The following CLVS1 variants were observed in gnomAD, a reference collection of about 807,000 sequenced individuals.
The protein encoded by CLVS1 is clavesin-1.
Under a neutral mutation model 33.1 loss-of-function variants are expected in CLVS1, and 10 were observed. That is an observed-to-expected ratio of 0.30 (90% CI 0.19 to 0.51). CLVS1 has a LOEUF of 0.51. Among genes scored for constraint, CLVS1 ranks in the 20% least tolerant of loss-of-function variants. The pLI is 0.97. For missense variants in CLVS1, 343 were observed against 433.4 expected, an observed-to-expected ratio of 0.79 and a Z score of 1.85; for synonymous variants, 163 against 166.1, an observed-to-expected ratio of 0.98 and a Z score of 0.14.
At chr8:61,202,736 AG>A (rs1807760630) in intron 2 of CLVS1, 1 of 1,574,924 alleles carries the variant, frequency 6.3e-7, no homozygotes, top group African/African-American at 1.3e-5. Flanking sequence ...GAAGATGAAG[AG>A]GAGGAGGATG....
At chr8:61,476,905 G>T (rs1343644696) in intron 5 of CLVS1, among the ~76,000 whole-genome samples, 1 of 152,148 alleles carries the variant, frequency 6.6e-6, no homozygotes, top group Non-Finnish European at 1.5e-5. Context: ...TCCAGTTTTT[G>T]TCCATTGAGT....
upstream of CLVS1, chr8:61,287,904 C>T (rs181326827): frequency 2.9e-6 from 1 of 350,412 alleles, no homozygotes; most frequent in Non-Finnish European, 5.6e-6. Flanking sequence ...GGTTGTGGTA[C>T]GGAGGCATTT....
chr8:61,193,383 G>T (rs923560955), intron 2 of CLVS1, among the ~76,000 whole-genome samples: 58 of 152,026 alleles, frequency 3.8e-4, no homozygotes, highest in African/African-American at 1.4e-3. Context: ...GGCGGGGAGA[G>T]GGGGAGGGAT....
At chr8:61,277,195 T>G (rs1348804208) in intron 2 of CLVS1, among the ~76,000 whole-genome samples, 2 of 152,158 alleles carry the variant, frequency 1.3e-5, no homozygotes, top group Admixed American at 6.5e-5. Context: ...GAATGAAGCT[T>G]TTGCCCTCAC....
At chr8:61,196,231 A>G (rs1807604292) in intron 2 of CLVS1, among the ~76,000 whole-genome samples, 1 of 152,198 alleles carries the variant, frequency 6.6e-6, no homozygotes, top group Non-Finnish European at 1.5e-5. Flanking sequence ...TTTCTCTTCT[A>G]TTAAAGAGAT....
At chr8:61,190,990 T>C (rs1176907107) in intron 2 of CLVS1, among the ~76,000 whole-genome samples, 4 of 151,954 alleles carry the variant, frequency 2.6e-5, no homozygotes, top group African/African-American at 9.7e-5. Context: ...TTCCAATCAA[T>C]AGAAAAAGAG....
chr8:61,007,133 CTT>C, the CLVS1 span, among the ~76,000 whole-genome samples: 64 of 152,298 alleles, frequency 4.2e-4, no homozygotes, highest in African/African-American at 1.4e-3. Context: ...TAAAAGGAAA[CTT>C]TTGTTTTGAC....
chr8:61,268,977 C>T (rs1372109453), intron 2 of CLVS1, among the ~76,000 whole-genome samples: 2 of 125,794 alleles, frequency 1.6e-5, no homozygotes, highest in African/African-American at 6.2e-5. Flanking sequence ...TGCCTGTTCA[C>T]TCTGATGGTA....
the CLVS1 span, among the ~76,000 whole-genome samples, chr8:61,010,002 C>T: frequency 6.6e-6 from 1 of 152,226 alleles, no homozygotes; most frequent in Non-Finnish European, 1.5e-5. Context: ...TCAAATGCCT[C>T]TCCTTGCTCC....
chr8:61,078,865 G>A (rs113105392), intron 1 of CLVS1, among the ~76,000 whole-genome samples: 160 of 152,216 alleles, frequency 1.1e-3, no homozygotes, highest in African/African-American at 3.6e-3. Context: ...TTAAATTCCA[G>A]TGTTTAAAAA....
the CLVS1 span, chr8:60,967,774 C>T: frequency 4.5e-6 from 2 of 448,048 alleles, no homozygotes; most frequent in Non-Finnish European, 9.0e-6. Context: ...CTTTTGCTTT[C>T]TTTTTCCTCT....
At chr8:61,306,300 T>C (rs1321897304) in intron 2 of CLVS1, among the ~76,000 whole-genome samples, 1 of 152,224 alleles carries the variant, frequency 6.6e-6, no homozygotes, top group African/African-American at 2.4e-5. Context: ...ATGTTGAGCC[T>C]TTTTTCATAC....
chr8:61,083,534 C>G lies in CLVS1; in HGVS notation c.-243+26304C>G, dbSNP rs77975773. ...CCTGGACCCTAATGAAACTGAGCAA[C>G]GGGAGAAGACAGGCATCAACGTGAA... On this transcript the variant is annotated intron_variant, in intron 1 of 2. Coordinates refer to the CLVS1 transcript ENST00000522621. Among the ~76,000 whole-genome samples, 466 of 151,970 alleles carry G rather than the reference C, an allele frequency of 3.1e-3. 5 individuals carry two copies. Among genetic ancestry groups the G allele is most frequent in the African/African-American group, 0.011 (446 of 41,438 alleles).
intron 2 of CLVS1, among the ~76,000 whole-genome samples, chr8:61,190,932 T>C (rs943532951): frequency 3.9e-5 from 6 of 152,190 alleles, no homozygotes; most frequent in African/African-American, 1.2e-4. Context: ...CACAGCTGAA[T>C]TCTACCAGAG....
the CLVS1 span, among the ~76,000 whole-genome samples, chr8:61,028,491 T>C: frequency 6.6e-6 from 1 of 152,234 alleles, no homozygotes; most frequent in Non-Finnish European, 1.5e-5. Flanking sequence ...TTTAGAATTC[T>C]AGGCATTAAA....
chr8:60,996,109 A>G, the CLVS1 span, among the ~76,000 whole-genome samples: 1 of 152,334 alleles, frequency 6.6e-6, no homozygotes, highest in South Asian at 2.1e-4. Flanking sequence ...ACATGTATAC[A>G]TATGTAACTA....
chr8:60,968,704 C>CA, the CLVS1 span, among the ~76,000 whole-genome samples: 1 of 151,854 alleles, frequency 6.6e-6, no homozygotes, highest in Non-Finnish European at 1.5e-5. Context: ...GCCTGGGCAA[C>CA]ATGGCAAAAC....
chr8:61,491,121 A>T (rs1026916930), intron 5 of CLVS1, among the ~76,000 whole-genome samples: 5 of 152,164 alleles, frequency 3.3e-5, no homozygotes, highest in African/African-American at 1.2e-4. Flanking sequence ...TGAGATAGAG[A>T]AGAGTTAGAC....
chr8:61,250,298 C>T (rs1283252422), intron 2 of CLVS1, among the ~76,000 whole-genome samples: 1 of 152,148 alleles, frequency 6.6e-6, no homozygotes, highest in Admixed American at 6.5e-5. Context: ...GGTATCAGTA[C>T]CATGCTGTTT....
Sources: gnomAD v4.1 joint callset for allele counts (sites outside exome capture counted in the v4.1 genomes callset) on GRCh38, gnomAD v4.1.1 for gene constraint, MANE v1.5 for transcripts, NCBI Gene and HGNC (gene_info 2026-07-23, HGNC 2026-07-21) for gene names.